RASGEF1A: variants seen among roughly 807,000 people sequenced by gnomAD.
RASGEF1A encodes ras-GEF domain-containing family member 1A.
A neutral mutation model predicts 56.4 loss-of-function variants in RASGEF1A; 18 were observed. The ratio of observed to expected loss-of-function variants is 0.32; its 90% CI spans 0.22 to 0.47. RASGEF1A has a LOEUF of 0.47. Ranked by LOEUF, RASGEF1A falls within the 20% of genes least tolerant of loss-of-function variation. RASGEF1A has a pLI of 1.00. For synonymous variants in RASGEF1A, 245 were observed against 242.6 expected (o/e 1.01, Z -0.09); for missense variants, 422 against 627.1 (o/e 0.67, Z 3.49).
intron 1 of RASGEF1A, among the ~76,000 whole-genome samples, chr10:43,225,319 GTCTGTGTC>G (rs1198460024): frequency 1.4e-5 from 2 of 147,660 alleles, no homozygotes; most frequent in Non-Finnish European, 3.0e-5. Context: ...GTGTCTGTGT[GTCTGTGTC>G]TCTGTGTCTG....
At chr10:43,244,395 TA>T in intron 1 of RASGEF1A, among the ~76,000 whole-genome samples, 2 of 3,132 alleles carry the variant, frequency 6.4e-4, no homozygotes, top group Non-Finnish European at 3.5e-3. Flanking sequence ...ATACTAAAAA[TA>T]AAAAAATTAA....
rs1005239247 is a variant in RASGEF1A at position 43,194,642 on chromosome 10, A to G, written c.*1602T>C. 1 of 152,284 alleles carries G rather than the reference A, an allele frequency of 6.6e-6. No individual in the cohort carries two copies. The highest frequency in any genetic ancestry group is 2.4e-5 in the African/African-American group (1 of 41,462). The allele number at this position is 152,284 out of a possible 1,614,324, so 9.4% of individuals were successfully genotyped here. On this transcript the variant is annotated 3_prime_UTR_variant, in exon 13 of 13. Coordinates refer to ENST00000395810, the MANE Select transcript of RASGEF1A (RefSeq NM_145313.4). ...CTCAGAGTTCATCTCAAATACCAAA[A>G]CATCAAATCAGGGTATGTATCAAAT...
At chr10:43,224,672 T>C (rs935790288) in intron 1 of RASGEF1A, among the ~76,000 whole-genome samples, 1 of 152,216 alleles carries the variant, frequency 6.6e-6, no homozygotes, top group Non-Finnish European at 1.5e-5. Flanking sequence ...ATGAAAAGCC[T>C]CCTCATTAAA....
intron 1 of RASGEF1A, among the ~76,000 whole-genome samples, chr10:43,262,642 C>T (rs927793328): frequency 6.6e-6 from 1 of 152,240 alleles, no homozygotes; most frequent in African/African-American, 2.4e-5. Flanking sequence ...GCAGACTAGA[C>T]CCCAGGGGAT....
intron 1 of RASGEF1A, among the ~76,000 whole-genome samples, chr10:43,223,284 T>C (rs1192752120): frequency 2.0e-5 from 3 of 152,138 alleles, no homozygotes; most frequent in East Asian, 1.9e-4. Context: ...AGTCCCCAAA[T>C]AGAAGTGTGC....
chr10:43,206,935 A>T, intron 1 of RASGEF1A: 1 of 985,552 alleles, frequency 1.0e-6, no homozygotes, highest in South Asian at 4.7e-5. Context: ...CGGTGCCCAC[A>T]CTGGGACTGT....
chr10:43,257,389 G>C (rs1836437880), intron 1 of RASGEF1A, among the ~76,000 whole-genome samples: 1 of 152,264 alleles, frequency 6.6e-6, no homozygotes, highest in South Asian at 2.1e-4. Flanking sequence ...GCCTTGCCCA[G>C]CGAGTCCCAC....
chr10:43,208,371 GT>G, intron 1 of RASGEF1A: 3 of 985,816 alleles, frequency 3.0e-6, no homozygotes, highest in Non-Finnish European at 3.6e-6. Context: ...GCCACTCCAT[GT>G]CCAGCCTGCA....
chr10:43,250,311 A>G (rs1179798146), intron 1 of RASGEF1A, among the ~76,000 whole-genome samples: 1 of 152,198 alleles, frequency 6.6e-6, no homozygotes, highest in Non-Finnish European at 1.5e-5. Context: ...TGTCATGGAC[A>G]CACCTGAGCA....
intron 1 of RASGEF1A, chr10:43,206,920 G>A: frequency 1.0e-6 from 1 of 985,588 alleles, no homozygotes; most frequent in Non-Finnish European, 1.2e-6. Flanking sequence ...GCCTCCTGGA[G>A]GCCTCGGTGC....
At chr10:43,218,090 C>T (rs148633411) in intron 1 of RASGEF1A, among the ~76,000 whole-genome samples, 71 of 152,346 alleles carry the variant, frequency 4.7e-4, no homozygotes, top group African/African-American at 1.5e-3. Flanking sequence ...GCTTCCCAGG[C>T]GACCGTGAGC....
At chr10:43,261,550 C>T (rs541987269) in intron 1 of RASGEF1A, among the ~76,000 whole-genome samples, 1 of 152,342 alleles carries the variant, frequency 6.6e-6, no homozygotes, top group Non-Finnish European at 1.5e-5. Context: ...ATGCAGCCCC[C>T]TGCCTGCTCT....
At chr10:43,232,115 T>C (rs1047124788) in intron 1 of RASGEF1A, among the ~76,000 whole-genome samples, 7 of 152,232 alleles carry the variant, frequency 4.6e-5, no homozygotes, top group African/African-American at 1.7e-4. Flanking sequence ...GGACTCCCGC[T>C]GATATGATTT....
chr10:43,220,982 G>A (rs570921343), intron 1 of RASGEF1A, among the ~76,000 whole-genome samples: 10 of 152,216 alleles, frequency 6.6e-5, no homozygotes, highest in Non-Finnish European at 1.2e-4. Context: ...ACACTCCTGC[G>A]GAGGGCCATA....
At chr10:43,222,880 C>T (rs74900247) in intron 1 of RASGEF1A, among the ~76,000 whole-genome samples, 10,172 of 152,152 alleles carry the variant, frequency 0.067, 923 homozygotes, top group African/African-American at 0.2. Context: ...GATCTGACTT[C>T]GCCTCCAATA....
intron 4 of RASGEF1A, among the ~76,000 whole-genome samples, chr10:43,201,540 C>G (rs1038476341): frequency 6.6e-6 from 1 of 152,206 alleles, no homozygotes; most frequent in Non-Finnish European, 1.5e-5. Flanking sequence ...ACAGCAAGGG[C>G]CAGGAGAGGG....
intron 1 of RASGEF1A, among the ~76,000 whole-genome samples, chr10:43,222,324 G>A (rs1179852732): frequency 6.6e-6 from 1 of 152,262 alleles, no homozygotes; most frequent in East Asian, 1.9e-4. Context: ...TCTGTGTGCT[G>A]ATGGACTTCT....
intron 1 of RASGEF1A, among the ~76,000 whole-genome samples, chr10:43,235,179 G>T (rs1048984250): frequency 6.6e-6 from 1 of 152,224 alleles, no homozygotes; most frequent in Non-Finnish European, 1.5e-5. Flanking sequence ...CGTGAAGGAG[G>T]GGGTGAATGG....
chr10:43,211,496 C>T (rs1482871723), intron 1 of RASGEF1A, among the ~76,000 whole-genome samples: 3 of 152,202 alleles, frequency 2.0e-5, no homozygotes, highest in East Asian at 1.9e-4. Flanking sequence ...AGAGGGCAGG[C>T]GGCAGACAAC....
Sources: gnomAD v4.1 joint callset for allele counts (sites outside exome capture counted in the v4.1 genomes callset) on GRCh38, gnomAD v4.1.1 for gene constraint, MANE v1.5 for transcripts, NCBI Gene and HGNC (gene_info 2026-07-23, HGNC 2026-07-21) for gene names.